The following PKD1 variants were observed in gnomAD, a reference collection of about 807,000 sequenced individuals.
The protein encoded by PKD1 is polycystin 1, transient receptor potential channel interacting, also known as polycystin-1.
In PKD1, 81 loss-of-function variants were observed where a neutral mutation model predicts 361.7. The ratio of observed to expected loss-of-function variants is 0.22; its 90% CI spans 0.19 to 0.27. PKD1 has a LOEUF of 0.27. PKD1 is among the 10% of genes least tolerant of loss of function. PKD1 has a pLI of 1.00. For missense variants in PKD1, 6,399 were observed against 6,118.3 expected, an observed-to-expected ratio of 1.05 and a Z score of -1.53; for synonymous variants, 3,615 against 2,818.3, an observed-to-expected ratio of 1.28 and a Z score of -8.95.
intron 1 of PKD1, among the ~76,000 whole-genome samples, chr16:2,129,788 C>T (rs1319234187): frequency 2.6e-5 from 4 of 151,562 alleles, no homozygotes; most frequent in African/African-American, 7.3e-5. Flanking sequence ...TGGGCTCAAG[C>T]GATCCACCCA....
At chr16:2,096,801 G>A (rs1281359043) in intron 34 of PKD1, 2 of 337,402 alleles carry the variant, frequency 5.9e-6, no homozygotes, top group African/African-American at 4.2e-5. Context: ...ACACGTGTGA[G>A]CCACCGCGCC....
rs756199732 is a variant in PKD1 at position 2,090,315 on chromosome 16, G to A, written c.12414C>T (p.Arg4138=). 9 of 1,611,662 alleles carry A rather than the reference G, an allele frequency of 5.6e-6. No homozygotes were observed. The highest frequency in any genetic ancestry group is 1.7e-5 in the Admixed American group (1 of 59,950). ...TGACCTTGCTGAGGCCCATCCAGAG[G>A]CGCAGCCTGCGCAGGAACAACTCCA... The part of the protein sequence containing the change: ...EMVELFLRRL[R]LWMGLSKVKE... Residue 4138 remains arginine, a synonymous_variant, in exon 45 of 46, where the codon CGC becomes CGT. Coordinates refer to ENST00000262304, the MANE Select transcript of PKD1 (RefSeq NM_001009944.3).
rs1490098777 is a variant in PKD1, at chr16:2,106,073, T to G, written c.7703+18A>C. 2 of 1,599,676 alleles carry G rather than the reference T, an allele frequency of 1.3e-6. No individual in the cohort carries two copies. Among genetic ancestry groups the G allele is most frequent in the Admixed American group, 3.4e-5 (2 of 59,364 alleles). ...GCAGGTGGCAGTCTCGGGGGCGCCC[T>G]CCCACGGCCTGGCTCACCTGTTGAG... On this transcript the variant is annotated intron_variant, in intron 19 of 45. Coordinates refer to ENST00000262304, the MANE Select transcript of PKD1 (RefSeq NM_001009944.3). This position sits in a 1 kb window ranked among gnomAD's most constrained non-coding sequence, Gnocchi z 6.5.
Position 2,094,118 on chromosome 16 carries a change from G to A in PKD1, c.10592C>T (p.Pro3531Leu), listed in dbSNP as rs1232105448. 6.3e-7 allele frequency: 1 copy of A among 1,593,610 alleles called. No homozygotes were observed. Among genetic ancestry groups the A allele is most frequent in the Non-Finnish European group, 8.5e-7 (1 of 1,169,700 alleles). The change falls in exon 35 of 46, where the codon CCC (proline) becomes CTC (leucine). Residue 3531 changes from proline (P) to leucine (L), a missense_variant. Pro to Leu is a moderately conservative substitution (Grantham distance 98). Transcript: ENST00000262304. ...TGTCCTGGACAGCCTCGCTGCCTGG[G>A]GCTGTTCCCAGTTCAGGCCTGGGCT... ...PPSPGLNWEQ[P>L]QAARLSRTGL...
intron 38 of PKD1, 102 bp from the exon 39 acceptor site, chr16:2,092,694 T>C (rs1482832594): frequency 2.2e-6 from 2 of 919,406 alleles, no homozygotes; most frequent in Admixed American, 2.0e-5. Flanking sequence ...ACTGCCCTGC[T>C]GGCCACGGCT....
chr16:2,122,233 G>A (rs1452534047), intron 1 of PKD1, among the ~76,000 whole-genome samples: 3 of 152,254 alleles, frequency 2.0e-5, no homozygotes, highest in Admixed American at 6.5e-5. Flanking sequence ...GAGACGCTGG[G>A]CACTGGCTCC....
chr16:2,115,249 A>C lies in PKD1; in HGVS notation c.2097+129T>G, dbSNP rs903912477. ...GAGGGCACTGCAGAGGTCGGAGGTC[A>C]GAGGTGGCAAGGACGTGGGAGGGGC... is the stretch of plus-strand genomic sequence containing the variant. On this transcript the variant is annotated intron_variant, in intron 10 of 45. Coordinates refer to ENST00000262304, the MANE Select transcript of PKD1 (RefSeq NM_001009944.3). 3 of 1,088,272 alleles carry C rather than the reference A, an allele frequency of 2.8e-6. No homozygotes were observed. In the African/African-American group the frequency reaches 4.7e-5, roughly 17 times the overall value. 67.4% of individuals were successfully genotyped at this position (1,088,272 alleles called of 1,614,324 possible).
At position 2,110,686 on chromosome 16, in the gene PKD1, C is replaced by T. The variant is rs559596651; in HGVS notation, c.4481G>A (p.Arg1494His). 2.0e-5 allele frequency: 32 copies of T among 1,610,292 alleles called. 1 individual carries two copies. The East Asian group carries it at 4.7e-4, about 24-fold the overall frequency. The change falls in exon 15 of 46, where the codon CGC becomes CAC. Residue 1494 changes from arginine to histidine, a missense_variant. Coordinates refer to ENST00000262304, the MANE Select transcript of PKD1 (RefSeq NM_001009944.3). The stretch of plus-strand genomic sequence containing the variant: ...CAGATCCCACAGGTAGCTGGCGGGG[C>T]GCCCACGGCCCACAGCAGAGAACAG... ...PYLFSAVGRGRPASYLWDLGD... is the reference protein window; with the variant it reads ...PYLFSAVGRGHPASYLWDLGD...
Position 2,091,497 on chromosome 16 carries a change from G to A in PKD1, c.11638C>T (p.Leu3880=), listed in dbSNP as rs776974564. 4 of 1,418,242 alleles carry A rather than the reference G, an allele frequency of 2.8e-6. No homozygotes were observed. The highest frequency in any genetic ancestry group is 3.1e-5 in the East Asian group (1 of 32,452). 87.9% of individuals were successfully genotyped at this position (1,418,242 alleles called of 1,614,324 possible). The change falls in exon 42 of 46, where the codon CTG becomes TTG. Residue 3880 remains leucine, a synonymous_variant. Transcript: ENST00000262304. ...AAGGGGCGGACGCTGAGGGCGGCCA[G>A]GGCGCGGCCGGCCGCCGGGAACTCG... The part of the protein sequence containing the change: ...RLEFPAAGRA[L]AALSVRPFAL...
At chr16:2,111,967 G>C (rs968074809) in intron 14 of PKD1, 96 bp from the exon 15 acceptor site, 3 of 1,311,938 alleles carry the variant, frequency 2.3e-6, no homozygotes, top group Admixed American at 3.7e-5. Context: ...CGGGGTGAAC[G>C]GCTGCACCTG....
intron 1 of PKD1, among the ~76,000 whole-genome samples, chr16:2,126,310 A>G (rs564803974): frequency 4.1e-4 from 62 of 152,400 alleles, no homozygotes; most frequent in African/African-American, 1.4e-3. Context: ...CTGCCTGGGC[A>G]CAAAGCCCTT....
At position 2,089,775 on chromosome 16, in the gene PKD1, G is replaced by C. The variant is rs536050342; in HGVS notation, c.12864C>G (p.Ser4288Arg). 45 of 1,597,280 alleles carry C rather than the reference G, an allele frequency of 2.8e-5. No individual in the cohort carries two copies. The South Asian group carries it at 4.8e-4, about 17-fold the overall frequency. Residue 4288 changes from serine (S) to arginine (R), a missense_variant, in exon 46 of 46, where the codon AGC (serine) becomes AGG (arginine). Coordinates refer to ENST00000262304, the MANE Select transcript of PKD1 (RefSeq NM_001009944.3). ...SRGVDLATGP[S>R]RTPLRAKNKV... ...TGTTCTTGGCCCGAAGGGGTGTCCT[G>C]CTGGGGCCAGTGGCCAGGTCCACAC...
chr16:2,120,180 C>G (rs2092697641), intron 1 of PKD1: 1 of 371,380 alleles, frequency 2.7e-6, no homozygotes, highest in African/African-American at 2.1e-5. Context: ...TCACTGTACT[C>G]CAGCCTGGGT....
Position 2,097,763 on chromosome 16 carries a change from C to G in PKD1, c.10185G>C (p.Gln3395His). The G allele has an allele frequency of 6.2e-7, 1 of 1,611,428 alleles. No homozygotes were observed. The highest frequency in any genetic ancestry group is 1.3e-5 in the African/African-American group (1 of 75,002). Residue 3395 changes from glutamine (Q) to histidine (H), a missense_variant, in exon 32 of 46, where the codon CAG becomes CAC. Coordinates refer to ENST00000262304, the MANE Select transcript of PKD1 (RefSeq NM_001009944.3). Reference sequence around the variant, plus strand: ...CATCCAGAAACAAGTCACTCTTCATCTGTCCAACAAAGGCCTGCTGAGAGG... The same window carrying G: ...CATCCAGAAACAAGTCACTCTTCATGTGTCCAACAAAGGCCTGCTGAGAGG... ...GLHAEQAFVG[Q>H]MKSDLFLDDS...
chr16:2,102,606 ATGG>A lies in PKD1; in HGVS notation c.8973_8975del (p.His2992del). On this transcript the variant is annotated inframe_deletion, in exon 25 of 46. Coordinates refer to ENST00000262304, the MANE Select transcript of PKD1 (RefSeq NM_001009944.3). The stretch of plus-strand genomic sequence containing the variant: ...AGCGGAAGTGGCTGGAGAGGTTCAG[ATGG>A]TAACTCCCCGCTGGGTCTCTGCTCC... 6.2e-7 allele frequency: 1 copy of A among 1,611,160 alleles called. No individual in the cohort carries two copies.
At chr16:2,104,733 C>A in intron 21 of PKD1, 91 bp from the exon 22 acceptor site, 2 of 767,954 alleles carry the variant, frequency 2.6e-6, no homozygotes, top group South Asian at 1.5e-5. Flanking sequence ...TGGCTCCCAC[C>A]CCCAGCCCTG....
At chr16:2,103,083 G>A in intron 23 of PKD1, 113 bp from the exon 24 acceptor site, 9 of 1,326,676 alleles carry the variant, frequency 6.8e-6, no homozygotes, top group Admixed American at 3.8e-5. Context: ...GGCCATAGGA[G>A]CCTCTGCACC....
intron 1 of PKD1, among the ~76,000 whole-genome samples, chr16:2,126,477 G>A (rs2092801403): frequency 6.6e-6 from 1 of 152,284 alleles, no homozygotes; most frequent in Admixed American, 6.5e-5. Context: ...TGCCACCAGT[G>A]CCTGGGCACC....
Position 2,103,198 on chromosome 16 carries a change from C to T in PKD1, c.8791+68G>A. 2.7e-6 allele frequency: 4 copies of T among 1,501,516 alleles called. No homozygotes were observed. The East Asian group carries it at 7.0e-5, about 26-fold the overall frequency. The allele number at this position is 1,501,516 out of a possible 1,614,324, so 93.0% of individuals were successfully genotyped here. A position where few individuals can be genotyped will look rare whatever the true frequency, so the allele number is the denominator to read the frequency against. On this transcript the variant is annotated intron_variant, in intron 23 of 45. Transcript: ENST00000262304. The stretch of plus-strand genomic sequence containing the variant: ...TTCACCAGAGACACCCATGGAAGCC[C>T]TACGAGAAACGCCTTCCCCCCAAGA...
Sources: gnomAD v4.1 joint callset for allele counts (sites outside exome capture counted in the v4.1 genomes callset) on GRCh38, gnomAD v4.1.1 for gene constraint, Gnocchi (gnomAD v3.1) non-coding constraint, MANE v1.5 for transcripts, NCBI Gene and HGNC (gene_info 2026-07-23, HGNC 2026-07-21) for gene names.